PSMF1: variants seen among roughly 807,000 people sequenced by gnomAD.
PSMF1 encodes proteasome inhibitor PI31 subunit.
In PSMF1, 30 loss-of-function variants were observed where a neutral mutation model predicts 29.3. The observed-to-expected ratio is 1.02, with a 90% CI of 0.77 to 1.39. The LOEUF (loss-of-function observed/expected upper bound fraction) is 1.39, where lower values mean the gene tolerates loss of function less well. Ranked by LOEUF, PSMF1 falls within the 40% of genes most tolerant of loss-of-function variation. The probability of loss-of-function intolerance (pLI) is 0.00; values close to 1 mark genes in which losing one functional copy is unlikely to be tolerated. For missense variants in PSMF1, 344 were observed against 357.5 expected, an observed-to-expected ratio of 0.96 and a Z score of 0.31; for synonymous variants, 134 against 139.7, an observed-to-expected ratio of 0.96 and a Z score of 0.29.
intron 4 of PSMF1, among the ~76,000 whole-genome samples, chr20:1,144,892 C>A (rs981138017): frequency 6.6e-6 from 1 of 152,074 alleles, no homozygotes; most frequent in Admixed American, 6.6e-5. Context: ...TTCCAACCCC[C>A]GTGAATCTTT....
intron 2 of PSMF1, 75 bp downstream of exon 2, chr20:1,125,725 A>G: frequency 6.6e-7 from 1 of 1,526,106 alleles, no homozygotes; most frequent in Non-Finnish European, 8.8e-7. Flanking sequence ...ATTTAACGGT[A>G]CGAATCCAGA....
upstream of PSMF1, among the ~76,000 whole-genome samples, chr20:1,115,651 T>C (rs1185149007): frequency 6.6e-6 from 1 of 152,122 alleles, no homozygotes; most frequent in East Asian, 1.9e-4. Flanking sequence ...ACATTGACCT[T>C]GTAATCCCAC....
chr20:1,151,867 T>C (rs1457478021), intron 4 of PSMF1, among the ~76,000 whole-genome samples: 2 of 152,154 alleles, frequency 1.3e-5, no homozygotes, highest in African/African-American at 4.8e-5. Flanking sequence ...GAGGGAACGA[T>C]GGGTACCAGT....
Position 1,127,519 on chromosome 20 carries a change from A to G in PSMF1, c.365+11A>G, listed in dbSNP as rs901681225. 6.4e-7 allele frequency: 1 copy of G among 1,559,908 alleles called. No homozygotes were observed. The highest frequency in any genetic ancestry group is 8.8e-7 in the Non-Finnish European group (1 of 1,130,730). ...GGGTGACTTCCACAGGTACTTCTAA[A>G]TGATGTCTCTTCCCTGGGAAAAAGA... is the stretch of plus-strand genomic sequence containing the variant. On this transcript the variant is annotated intron_variant, in intron 3 of 6. Coordinates refer to ENST00000335877, the MANE Select transcript of PSMF1 (RefSeq NM_006814.5).
rs2086737361 is a variant in PSMF1 at position 1,166,978 on chromosome 20, C to G, written c.*1898C>G. 1 of 152,198 alleles carries G rather than the reference C, an allele frequency of 6.6e-6. No individual in the cohort carries two copies. The highest frequency in any genetic ancestry group is 6.5e-5 in the Admixed American group (1 of 15,286). 9.4% of individuals were successfully genotyped at this position (152,198 alleles called of 1,614,324 possible). A position where few individuals can be genotyped will look rare whatever the true frequency, so the allele number is the denominator to read the frequency against. On this transcript the variant is annotated 3_prime_UTR_variant, in exon 7 of 7. Coordinates refer to ENST00000335877, the MANE Select transcript of PSMF1 (RefSeq NM_006814.5). Reference sequence around the variant, plus strand: ...TAAAATTTAAACAATAAATTTGCCACTTAGATTTTCTAGCAGCAAAGTCCG... The same window carrying G: ...TAAAATTTAAACAATAAATTTGCCAGTTAGATTTTCTAGCAGCAAAGTCCG...
chr20:1,114,798 G>C (rs71328063), upstream of PSMF1, among the ~76,000 whole-genome samples: 6 of 5,398 alleles, frequency 1.1e-3, no homozygotes, highest in Admixed American at 3.5e-3. Flanking sequence ...TGTATGCAAA[G>C]CAGTGTTGAA....
At chr20:1,161,746 C>T (rs950225927) in intron 4 of PSMF1, 6 of 482,484 alleles carry the variant, frequency 1.2e-5, no homozygotes, top group African/African-American at 2.0e-5. Context: ...ATAATTCACA[C>T]GTATAAATTT....
intron 4 of PSMF1, among the ~76,000 whole-genome samples, chr20:1,136,134 C>A (rs1237236692): frequency 6.6e-6 from 1 of 152,110 alleles, no homozygotes; most frequent in East Asian, 1.9e-4. Flanking sequence ...ATCTCTTTGG[C>A]AAAATCTTTA....
chr20:1,159,545 G>C (rs901954277), intron 4 of PSMF1, among the ~76,000 whole-genome samples: 1 of 152,188 alleles, frequency 6.6e-6, no homozygotes, highest in Non-Finnish European at 1.5e-5. Flanking sequence ...AAATAGAGAT[G>C]GTTGCATATT....
Position 1,172,017 on chromosome 20 carries a change from G to A in PSMF1, c.*6937G>A, listed in dbSNP as rs2086795293. Among the ~76,000 whole-genome samples, 1 of 152,204 alleles carries A rather than the reference G, an allele frequency of 6.6e-6. No individual in the cohort carries two copies. The highest frequency in any genetic ancestry group is 1.5e-5 in the Non-Finnish European group (1 of 68,034). The stretch of plus-strand genomic sequence containing the variant: ...CATCTGTAAAATGTAGATAAGGATG[G>A]ACCCACCTCCCCAAGATCCTGCCTA... On this transcript the variant is annotated 3_prime_UTR_variant, in exon 7 of 7. Coordinates refer to ENST00000335877, the MANE Select transcript of PSMF1 (RefSeq NM_006814.5).
At chr20:1,133,236 T>A (rs2086254249) in intron 3 of PSMF1, among the ~76,000 whole-genome samples, 1 of 151,268 alleles carries the variant, frequency 6.6e-6, no homozygotes, top group Non-Finnish European at 1.5e-5. Flanking sequence ...AAATGTTCTT[T>A]ATCAGGTTAA....
intron 2 of PSMF1, among the ~76,000 whole-genome samples, chr20:1,127,040 C>T (rs776253877): frequency 7.9e-5 from 12 of 152,192 alleles, no homozygotes; most frequent in Non-Finnish European, 1.3e-4. Flanking sequence ...GTGCACCCTT[C>T]TCTTAAGCTG....
In PSMF1 at chr20:1,118,832, A is replaced by G; in HGVS notation, c.59A>G (p.Asp20Gly). ...GCGCCGGCCATCACCTGCAGGCAGG[A>G]CGCGCTCGTCTGCTTCTTGCATTGG... Reference protein sequence around the residue: ...SAAPAITCRQDALVCFLHWEV... With the variant: ...SAAPAITCRQGALVCFLHWEV... Residue 20 changes from aspartate to glycine, a missense_variant, in exon 1 of 7, where the codon GAC (aspartate) becomes GGC (glycine). By Grantham distance (94) the Asp-to-Gly change is moderately conservative (BLOSUM62 -1). Transcript: ENST00000335877. The G allele has an allele frequency of 6.2e-7, 1 of 1,613,716 alleles. No homozygotes were observed. The highest frequency in any genetic ancestry group is 8.5e-7 in the Non-Finnish European group (1 of 1,179,674).
chr20:1,125,451 G>A, intron 1 of PSMF1, 47 bp from the exon 2 acceptor site: 1 of 1,547,340 alleles, frequency 6.5e-7, no homozygotes, highest in Non-Finnish European at 8.7e-7. Flanking sequence ...TTATAGTTCT[G>A]TGTTTTGAGT....
rs2086688767 is a variant in PSMF1 at position 1,163,240 on chromosome 20, C to A, written c.605+57C>A. Reference sequence around the variant, plus strand: ...AACTTGCTTTTGTGGCTTTTCAGCCCCAGCTCATCTTCTAATTTTAGAGTT... The same window carrying A: ...AACTTGCTTTTGTGGCTTTTCAGCCACAGCTCATCTTCTAATTTTAGAGTT... On this transcript the variant is annotated intron_variant, in intron 5 of 6. Transcript: ENST00000335877. This position sits in a 1 kb window ranked among gnomAD's most constrained non-coding sequence, Gnocchi z 6.1. The A allele has an allele frequency of 6.4e-7, 1 of 1,562,666 alleles. No homozygotes were observed. Among genetic ancestry groups the A allele is most frequent in the South Asian group, 1.1e-5 (1 of 89,594 alleles).
chr20:1,168,503 ACT>A lies in PSMF1; in HGVS notation c.*3424_*3425del, dbSNP rs1413474331. Reference sequence around the variant, plus strand: ...ATTCTTAGAGTTAGCAGTGTTTCTTACTGCATTCATCTCCTCAGTCATAAGTG... The same window carrying A: ...ATTCTTAGAGTTAGCAGTGTTTCTTAGCATTCATCTCCTCAGTCATAAGTG... On this transcript the variant is annotated 3_prime_UTR_variant, in exon 7 of 7. Transcript: ENST00000335877. 2.0e-5 allele frequency: 3 copies of A among 152,188 alleles called. No homozygotes were observed. The highest frequency in any genetic ancestry group is 6.5e-5 in the Admixed American group (1 of 15,276). The allele number at this position is 152,188 out of a possible 1,614,324, so 9.4% of individuals were successfully genotyped here.
intron 4 of PSMF1, among the ~76,000 whole-genome samples, chr20:1,150,758 C>T (rs2086520492): frequency 6.6e-6 from 1 of 151,952 alleles, no homozygotes. Flanking sequence ...TTAAAGCATT[C>T]CTAATTTTTA....
intron 4 of PSMF1, among the ~76,000 whole-genome samples, chr20:1,162,203 G>A (rs1001247226): frequency 6.6e-6 from 1 of 152,148 alleles, no homozygotes; most frequent in East Asian, 1.9e-4. Context: ...ACCATGGGCT[G>A]TTACTTGTCT....
chr20:1,121,359 G>C (rs2086085162), intron 1 of PSMF1, among the ~76,000 whole-genome samples: 1 of 151,974 alleles, frequency 6.6e-6, no homozygotes, highest in Non-Finnish European at 1.5e-5. Context: ...TGAGTGTTTG[G>C]ATTGCAAACT....
Sources: allele counts gnomAD v4.1 joint callset (sites outside exome capture counted in the v4.1 genomes callset), GRCh38; gene constraint gnomAD v4.1.1; non-coding constraint Gnocchi (gnomAD v3.1); transcripts MANE v1.5; gene names NCBI Gene and HGNC (gene_info 2026-07-23, HGNC 2026-07-21).